The following CFAP46 variants were observed in gnomAD, a reference collection of about 807,000 sequenced individuals.
CFAP46 encodes cilia- and flagella-associated protein 46.
A neutral mutation model predicts 325.7 loss-of-function variants in CFAP46; 245 were observed. The ratio of observed to expected loss-of-function variants is 0.75; its 90% CI spans 0.68 to 0.84. The LOEUF (loss-of-function observed/expected upper bound fraction) is 0.84, where lower values mean the gene tolerates loss of function less well. Among genes scored for constraint, CFAP46 ranks in the 40% least tolerant of loss-of-function variants. CFAP46 has a pLI of 0.00. For missense variants in CFAP46, 3,346 were observed against 3,543.0 expected (o/e 0.94, Z 1.41); for synonymous variants, 1,523 against 1,495.9 (o/e 1.02, Z -0.42).
intron 28 of CFAP46, 44 bp from the exon 29 acceptor site, chr10:132,879,675 G>A (rs1179617071): frequency 2.1e-6 from 3 of 1,455,000 alleles, no homozygotes; most frequent in Middle Eastern, 2.5e-4. Flanking sequence ...CCCGGCTACG[G>A]GTCTGTGGGC....
intron 50 of CFAP46, among the ~76,000 whole-genome samples, chr10:132,823,425 G>A: frequency 7.4e-6 from 1 of 135,778 alleles, no homozygotes; most frequent in East Asian, 2.5e-4. Context: ...CTGTGTGAGT[G>A]CTGATGTGTG....
chr10:132,840,707 C>T (rs1848333429), intron 44 of CFAP46, among the ~76,000 whole-genome samples: 1 of 152,174 alleles, frequency 6.6e-6, no homozygotes, highest in African/African-American at 2.4e-5. Flanking sequence ...ATTTGATCAT[C>T]GTAAGTAACT....
At position 132,835,303 on chromosome 10, in the gene CFAP46, C is replaced by G; in HGVS notation, c.6744+1G>C. ...GTGGCTTGGAGCCTGGAGGGCCTCACCGAGCCTATGTTCAGGGCCATGTCC... is the reference window on the plus strand; with the variant it reads ...GTGGCTTGGAGCCTGGAGGGCCTCAGCGAGCCTATGTTCAGGGCCATGTCC... On this transcript the variant is annotated splice_donor_variant, in intron 47 of 57. Coordinates refer to ENST00000368586, the MANE Select transcript of CFAP46 (RefSeq NM_001200049.3). LOFTEE classifies it high-confidence loss of function. The G allele has an allele frequency of 6.2e-7, 1 of 1,612,390 alleles. No individual in the cohort carries two copies. The highest frequency in any genetic ancestry group is 8.5e-7 in the Non-Finnish European group (1 of 1,179,548).
In CFAP46 at chr10:132,878,135, G is replaced by A. The variant is rs370557116; in HGVS notation, c.4006-48C>T. 6.6e-5 allele frequency: 99 copies of A among 1,493,192 alleles called. No individual in the cohort carries two copies. The East Asian group carries it at 2.2e-3, about 33-fold the overall frequency. The allele number at this position is 1,493,192 out of a possible 1,614,324, so 92.5% of individuals were successfully genotyped here. On this transcript the variant is annotated intron_variant, in intron 29 of 57. Transcript: ENST00000368586. ...TTGCAGCACTGAAAACCCACCCACC[G>A]CCCACTCTGCCCACCCTCCACTCCT...
At chr10:132,895,349 G>A (rs536426237) in intron 24 of CFAP46, among the ~76,000 whole-genome samples, 172 of 152,274 alleles carry the variant, frequency 1.1e-3, no homozygotes, top group African/African-American at 2.2e-3. Context: ...CACAGCTCAC[G>A]TCACATGCAA....
In CFAP46 at chr10:132,833,496, TC is replaced by T; in HGVS notation, c.6978del (p.Ile2327Ter). 3 of 1,614,064 alleles carry T rather than the reference TC, an allele frequency of 1.9e-6. No individual in the cohort carries two copies. The highest frequency in any genetic ancestry group is 2.5e-6 in the Non-Finnish European group (3 of 1,179,976). On this transcript the variant is annotated frameshift_variant, in exon 50 of 58. Transcript: ENST00000368586. LOFTEE classifies it high-confidence loss of function. Reference sequence around the variant, plus strand: ...AGATGTCTGTCTGCGACCAGGACTATCTTATCGGCAACCTCAGGCTGGACTG... The same window carrying T: ...AGATGTCTGTCTGCGACCAGGACTATTTATCGGCAACCTCAGGCTGGACTG... ...HSTVQPEVAD[K>X]IVLVADRHLL...
intron 39 of CFAP46, among the ~76,000 whole-genome samples, chr10:132,854,884 C>A (rs1848617909): frequency 6.6e-6 from 1 of 151,432 alleles, no homozygotes; most frequent in South Asian, 2.1e-4. Flanking sequence ...ATTGTGGCAC[C>A]AGTACATATT....
chr10:132,848,020 C>T (rs1035071633), intron 41 of CFAP46, among the ~76,000 whole-genome samples: 4 of 152,086 alleles, frequency 2.6e-5, no homozygotes, highest in Non-Finnish European at 1.5e-5. Context: ...ATGCACGGAG[C>T]CTGGCCCCTT....
In CFAP46 at chr10:132,876,754, G is replaced by C; in HGVS notation, c.4362+58C>G. 6.6e-7 allele frequency: 1 copy of C among 1,508,592 alleles called. No individual in the cohort carries two copies. Among genetic ancestry groups the C allele is most frequent in the Non-Finnish European group, 8.9e-7 (1 of 1,124,074 alleles). 93.5% of individuals were successfully genotyped at this position (1,508,592 alleles called of 1,614,324 possible). A position where few individuals can be genotyped will look rare whatever the true frequency, so the allele number is the denominator to read the frequency against. On this transcript the variant is annotated intron_variant, in intron 31 of 57. Transcript: ENST00000368586. The surrounding 1 kb of genome is among the most constrained non-coding windows in gnomAD (Gnocchi z 4.1). Reference sequence around the variant, plus strand: ...CAGTGAAAACTGGACTTGGGGACAGGTCAAGGGGACACCATGCTGTGACCA... The same window carrying C: ...CAGTGAAAACTGGACTTGGGGACAGCTCAAGGGGACACCATGCTGTGACCA...
rs545569303 is a variant in CFAP46 at position 132,941,604 on chromosome 10, G to A, written c.293C>T (p.Ser98Leu). The A allele has an allele frequency of 1.1e-5, 18 of 1,612,950 alleles. No individual in the cohort carries two copies. Among genetic ancestry groups the A allele is most frequent in the East Asian group, 6.7e-5 (3 of 44,840 alleles). Residue 98 changes from serine (S) to leucine (L), a missense_variant, in exon 3 of 58, where the codon TCG becomes TTG. Physicochemically the swap from Ser to Leu is moderately radical, Grantham distance 145 (BLOSUM62 -2). Coordinates refer to ENST00000368586, the MANE Select transcript of CFAP46 (RefSeq NM_001200049.3). ...LCRAQMCAPKSAENLEEFENC... is the reference protein window; with the variant it reads ...LCRAQMCAPKLAENLEEFENC... Reference sequence around the variant, plus strand: ...GACGCCTCTCACCAGGTTTTCTGCCGACTTCGGGGCACACATCTGGGCCCT... The same window carrying A: ...GACGCCTCTCACCAGGTTTTCTGCCAACTTCGGGGCACACATCTGGGCCCT...
At chr10:132,822,152 G>A (rs1418557318) in intron 50 of CFAP46, among the ~76,000 whole-genome samples, 1 of 142,152 alleles carries the variant, frequency 7.0e-6, no homozygotes, top group Non-Finnish European at 1.5e-5. Flanking sequence ...GTGCTGATGT[G>A]TGCTGTGTGC....
rs1198241497 is a variant in CFAP46, at chr10:132,892,406, C to T, written c.3231G>A (p.Lys1077=). 2 of 1,550,760 alleles carry T rather than the reference C, an allele frequency of 1.3e-6. No homozygotes were observed. The highest frequency in any genetic ancestry group is 1.7e-6 in the Non-Finnish European group (2 of 1,147,070). The part of the protein sequence containing the change: ...KTEARKQEKG[K]TLLLHQWPTA... The stretch of plus-strand genomic sequence containing the variant: ...TGGGCCACTGGTGCAGAAGCAGCGT[C>T]TTTCCTTTCTCCTAAAGTAACGCAA... Residue 1077 remains lysine, a synonymous_variant, in exon 25 of 58, where the codon AAG becomes AAA. Transcript: ENST00000368586.
intron 10 of CFAP46, 143 bp downstream of exon 10, chr10:132,926,425 T>C: frequency 1.5e-6 from 1 of 654,770 alleles, no homozygotes; most frequent in Non-Finnish European, 2.7e-6. Context: ...TCACACCCGC[T>C]GTCACGGGAG....
At position 132,919,573 on chromosome 10, in the gene CFAP46, G is replaced by T. The variant is rs909259336; in HGVS notation, c.1731-131C>A. On this transcript the variant is annotated intron_variant, in intron 14 of 57. Transcript: ENST00000368586. The surrounding 1 kb of genome is among the most constrained non-coding windows in gnomAD (Gnocchi z 9.7). Reference sequence around the variant, plus strand: ...GCAGTTTCAAGGTGGCAAGGAGCCCGGCACTCGCGCTGGGTACGGCCTGGC... The same window carrying T: ...GCAGTTTCAAGGTGGCAAGGAGCCCTGCACTCGCGCTGGGTACGGCCTGGC... 1.6e-6 allele frequency: 2 copies of T among 1,233,344 alleles called. No individual in the cohort carries two copies. The highest frequency in any genetic ancestry group is 2.2e-6 in the Non-Finnish European group (2 of 908,222). The allele number at this position is 1,233,344 out of a possible 1,614,324, so 76.4% of individuals were successfully genotyped here.
Position 132,867,394 on chromosome 10 carries a change from G to T in CFAP46, c.4724C>A (p.Pro1575Gln). 5 of 1,550,364 alleles carry T rather than the reference G, an allele frequency of 3.2e-6. No homozygotes were observed. The highest frequency in any genetic ancestry group is 4.4e-6 in the Non-Finnish European group (5 of 1,146,932). The stretch of plus-strand genomic sequence containing the variant: ...GGTTACCTTGTCCTTGGCGTCCAGT[G>T]GTTTGATCTCCCCAGGCTGGACAGG... ...TLPVQPGEIK[P>Q]LDAKDKILKM... The change falls in exon 34 of 58, where the codon CCA (proline) becomes CAA (glutamine). Residue 1575 changes from proline (P) to glutamine (Q), a missense_variant. By Grantham distance (76) the Pro-to-Gln change is moderately conservative. Transcript: ENST00000368586.
At chr10:132,811,125 AGCAG>A in intron 55 of CFAP46, 94 bp from the exon 56 acceptor site, 2 of 1,102,104 alleles carry the variant, frequency 1.8e-6, no homozygotes, top group Non-Finnish European at 2.6e-6. Context: ...CCAAGGGCGC[AGCAG>A]GGCATGGCAC....
intron 50 of CFAP46, among the ~76,000 whole-genome samples, chr10:132,820,089 C>A (rs1847764943): frequency 6.6e-6 from 1 of 150,990 alleles, no homozygotes; most frequent in South Asian, 2.1e-4. Flanking sequence ...CCTGAAGGGA[C>A]ATTTCTCTAA....
In CFAP46 at chr10:132,809,137, G is replaced by A. The variant is rs188844595; in HGVS notation, c.7665-233C>T. 9.6e-3 allele frequency among the ~76,000 whole-genome samples: 1,451 copies of A among 151,770 alleles called. 15 individuals carry two copies. Among genetic ancestry groups the A allele is most frequent in the South Asian group, 9.8e-3 (47 of 4,820 alleles). ...GGCACCAGGACTGGACCCCCGATCC[G>A]AAGCCCACCATCCCCCTCTACCCCT... is the stretch of plus-strand genomic sequence containing the variant. On this transcript the variant is annotated intron_variant, in intron 57 of 57. Transcript: ENST00000368586.
At chr10:132,868,956 C>T (rs1451645857) in intron 33 of CFAP46, among the ~76,000 whole-genome samples, 1 of 152,226 alleles carries the variant, frequency 6.6e-6, no homozygotes, top group Non-Finnish European at 1.5e-5. Context: ...CCGAGCACTG[C>T]CTCAGGACCC....
Sources: allele counts gnomAD v4.1 joint callset (sites outside exome capture counted in the v4.1 genomes callset), GRCh38; gene constraint gnomAD v4.1.1; non-coding constraint Gnocchi (gnomAD v3.1); transcripts MANE v1.5; gene names NCBI Gene and HGNC (gene_info 2026-07-23, HGNC 2026-07-21).